The following FIRRM variants were observed in gnomAD, a reference collection of about 807,000 sequenced individuals.
FIRRM encodes FIGNL1 interacting regulator of recombination and mitosis.
chr1:169,820,653 G>C, the FIRRM span, among the ~76,000 whole-genome samples: 1 of 152,184 alleles, frequency 6.6e-6, no homozygotes, highest in Non-Finnish European at 1.5e-5. Context: ...TGTCTTAGGA[G>C]AGACTCTAAC....
the FIRRM span, among the ~76,000 whole-genome samples, chr1:169,786,614 A>C: frequency 1.3e-5 from 2 of 152,186 alleles, no homozygotes; most frequent in African/African-American, 4.8e-5. Flanking sequence ...CATGCAATTT[A>C]AAATAAGCGC....
the FIRRM span, chr1:169,843,624 ATTC>A: frequency 0.11 from 119,746 of 1,072,614 alleles, 7,903 homozygotes; most frequent in Admixed American, 0.26. Context: ...TGCTATTATT[ATTC>A]TTATGTGATT....
the FIRRM span, among the ~76,000 whole-genome samples, chr1:169,808,608 G>GTT: frequency 0.11 from 15,441 of 142,266 alleles, 1,043 homozygotes; most frequent in Admixed American, 0.18. Flanking sequence ...TATGTCATTT[G>GTT]TTTTTTTTTT....
chr1:169,839,698 G>A, the FIRRM span, among the ~76,000 whole-genome samples: 1 of 152,116 alleles, frequency 6.6e-6, no homozygotes, highest in African/African-American at 2.4e-5. Context: ...TGGGTTGTCT[G>A]TTTACTTTGT....
At chr1:169,802,812 C>T in the FIRRM span, 1 of 723,282 alleles carries the variant, frequency 1.4e-6, no homozygotes, top group South Asian at 1.8e-5. Flanking sequence ...GCTATGTATT[C>T]TTATGTAATG....
the FIRRM span, chr1:169,832,595 T>A: frequency 6.2e-6 from 6 of 961,128 alleles, no homozygotes; most frequent in African/African-American, 1.7e-5. Flanking sequence ...TTTCCATTTT[T>A]AAAAATTTAT....
At chr1:169,817,446 A>G in the FIRRM span, among the ~76,000 whole-genome samples, 1 of 152,252 alleles carries the variant, frequency 6.6e-6, no homozygotes, top group Admixed American at 6.5e-5. Flanking sequence ...ATTTTATATA[A>G]CAATTATAGT....
chr1:169,816,288 T>TGGTAA, the FIRRM span, among the ~76,000 whole-genome samples: 3 of 152,202 alleles, frequency 2.0e-5, no homozygotes, highest in East Asian at 5.8e-4. Context: ...ACCATCTCTC[T>TGGTAA]TGTTTCTTCT....
chr1:169,832,760 C>G, the FIRRM span, among the ~76,000 whole-genome samples: 1 of 151,938 alleles, frequency 6.6e-6, no homozygotes, highest in Non-Finnish European at 1.5e-5. Flanking sequence ...CACACCACTA[C>G]GCCTGGCTAA....
At chr1:169,811,202 TTGTG>T in the FIRRM span, among the ~76,000 whole-genome samples, 1 of 152,200 alleles carries the variant, frequency 6.6e-6, no homozygotes, top group African/African-American at 2.4e-5. Flanking sequence ...GGAAATTTAT[TTGTG>T]TGGCCCTTAG....
chr1:169,853,563 A>G, the FIRRM span: 1 of 762,622 alleles, frequency 1.3e-6, no homozygotes, highest in Non-Finnish European at 2.2e-6. Flanking sequence ...TCAGTCTCCT[A>G]CTTCAGTTGG....
the FIRRM span, chr1:169,852,041 T>C: frequency 4.1e-5 from 61 of 1,488,014 alleles, no homozygotes; most frequent in Non-Finnish European, 5.5e-5. Context: ...ATGCTGAATT[T>C]CAAATCAAAT....
At chr1:169,806,972 C>T in the FIRRM span, among the ~76,000 whole-genome samples, 1 of 152,226 alleles carries the variant, frequency 6.6e-6, no homozygotes, top group African/African-American at 2.4e-5. Context: ...CTATCATCAT[C>T]ACTGATTATC....
the FIRRM span, among the ~76,000 whole-genome samples, chr1:169,811,813 C>CAGATTATCTATCTAAATAGATAATAGAT: frequency 7.2e-6 from 1 of 139,036 alleles, no homozygotes; most frequent in African/African-American, 2.8e-5. Context: ...AGATAATAGA[C>CAGATTATCTATCTAAATAGATAATAGAT]AGATTATCTA....
the FIRRM span, among the ~76,000 whole-genome samples, chr1:169,840,484 A>G: frequency 2.0e-5 from 3 of 151,068 alleles, no homozygotes; most frequent in South Asian, 6.3e-4. Flanking sequence ...TATCTACTGT[A>G]AACAGGATCG....
the FIRRM span, among the ~76,000 whole-genome samples, chr1:169,814,341 C>T: frequency 6.6e-6 from 1 of 152,156 alleles, no homozygotes; most frequent in Non-Finnish European, 1.5e-5. Context: ...ATAAAATTAA[C>T]TGTGGTACAT....
At chr1:169,816,056 C>T in the FIRRM span, among the ~76,000 whole-genome samples, 7 of 152,032 alleles carry the variant, frequency 4.6e-5, no homozygotes, top group Non-Finnish European at 8.8e-5. Flanking sequence ...AGTAAGTGTT[C>T]GATTTAATAA....
chr1:169,845,141 A>G, the FIRRM span, among the ~76,000 whole-genome samples: 22 of 152,222 alleles, frequency 1.4e-4, no homozygotes, highest in Non-Finnish European at 2.8e-4. Context: ...CCACCACAAT[A>G]AAGTGAGTGA....
the FIRRM span, among the ~76,000 whole-genome samples, chr1:169,819,190 T>C: frequency 6.6e-6 from 1 of 152,232 alleles, no homozygotes; most frequent in South Asian, 2.1e-4. Flanking sequence ...TCCAATGATT[T>C]TACCATGCAT....
Sources: allele counts gnomAD v4.1 joint callset (sites outside exome capture counted in the v4.1 genomes callset), GRCh38; gene constraint gnomAD v4.1.1; transcripts MANE v1.5; gene names NCBI Gene and HGNC (gene_info 2026-07-23, HGNC 2026-07-21).